The following ATXN7L1 variants were observed in gnomAD, a reference collection of about 807,000 sequenced individuals.
ATXN7L1 encodes ataxin-7-like protein 1.
A neutral mutation model predicts 70.8 loss-of-function variants in ATXN7L1; 15 were observed. The observed-to-expected ratio is 0.21, with a 90% confidence interval of 0.14 to 0.33. The LOEUF (loss-of-function observed/expected upper bound fraction) is 0.33. Among genes scored for constraint, ATXN7L1 ranks in the 10% least tolerant of loss-of-function variants. The pLI is 1.00. For synonymous variants in ATXN7L1, 440 were observed against 445.1 expected, an observed-to-expected ratio of 0.99 and a Z score of 0.14; for missense variants, 975 against 1,097.1, an observed-to-expected ratio of 0.89 and a Z score of 1.57.
At chr7:105,771,037 T>TA (rs1285965386) in intron 3 of ATXN7L1, among the ~76,000 whole-genome samples, 1 of 151,910 alleles carries the variant, frequency 6.6e-6, no homozygotes, top group Non-Finnish European at 1.5e-5. Flanking sequence ...CCGTCTCTAC[T>TA]AAAAATACAA....
At chr7:105,780,260 C>T (rs1280072432) in intron 3 of ATXN7L1, among the ~76,000 whole-genome samples, 1 of 152,198 alleles carries the variant, frequency 6.6e-6, no homozygotes, top group African/African-American at 2.4e-5. Context: ...CAGTATCCAA[C>T]CAGCATCAGC....
intron 2 of ATXN7L1, among the ~76,000 whole-genome samples, chr7:105,806,038 A>G (rs1255999278): frequency 6.6e-6 from 1 of 152,134 alleles, no homozygotes; most frequent in African/African-American, 2.4e-5. Context: ...AGGGACAGAG[A>G]GGACGCAGGA....
chr7:105,710,893 C>T (rs1483625247), intron 3 of ATXN7L1, among the ~76,000 whole-genome samples: 10 of 152,102 alleles, frequency 6.6e-5, no homozygotes, highest in Admixed American at 4.6e-4. Context: ...AATGGTCTTA[C>T]AGTTCCACAT....
chr7:105,731,893 G>A (rs1056848162), intron 3 of ATXN7L1, among the ~76,000 whole-genome samples: 2 of 151,658 alleles, frequency 1.3e-5, no homozygotes, highest in Non-Finnish European at 2.9e-5. Context: ...AGGAGTTTGA[G>A]ACCAGCCTGG....
intron 3 of ATXN7L1, among the ~76,000 whole-genome samples, chr7:105,684,525 C>T (rs1805925542): frequency 6.6e-6 from 1 of 152,164 alleles, no homozygotes. Context: ...GTGATAGCTG[C>T]CTCATCCCTA....
chr7:105,768,238 A>C (rs1801535251), intron 3 of ATXN7L1, among the ~76,000 whole-genome samples: 2 of 152,200 alleles, frequency 1.3e-5, no homozygotes, highest in Admixed American at 1.3e-4. Context: ...GCATTTTCAA[A>C]TTTATCATTT....
At chr7:105,783,647 C>T (rs1045942903) in intron 3 of ATXN7L1, among the ~76,000 whole-genome samples, 1 of 152,194 alleles carries the variant, frequency 6.6e-6, no homozygotes, top group Non-Finnish European at 1.5e-5. Context: ...CCCAACTCCA[C>T]ACAGGGACAG....
Position 105,729,083 on chromosome 7 carries a change from G to A in ATXN7L1, c.355+59521C>T, listed in dbSNP as rs147037650. Among the ~76,000 whole-genome samples, 23 of 152,102 alleles carry A rather than the reference G, an allele frequency of 1.5e-4. No individual in the cohort carries two copies. The East Asian group carries it at 4.5e-3, about 29-fold the overall frequency. Reference sequence around the variant, plus strand: ...GTTTGAGACTAGCCTGGGAAACACAGTGAGACCCATCTCTACAAATAATAA... The same window carrying A: ...GTTTGAGACTAGCCTGGGAAACACAATGAGACCCATCTCTACAAATAATAA... On this transcript the variant is annotated intron_variant, in intron 3 of 11. Coordinates refer to ENST00000419735, the MANE Select transcript of ATXN7L1 (RefSeq NM_020725.2).
At chr7:105,853,763 C>CA (rs918481248) in intron 2 of ATXN7L1, among the ~76,000 whole-genome samples, 1 of 151,920 alleles carries the variant, frequency 6.6e-6, no homozygotes, top group African/African-American at 2.4e-5. Context: ...GACTCTGTCT[C>CA]AAAAAACAAA....
At chr7:105,725,905 T>C (rs954916700) in intron 3 of ATXN7L1, among the ~76,000 whole-genome samples, 11 of 60,552 alleles carry the variant, frequency 1.8e-4, no homozygotes, top group African/African-American at 1.2e-3. Flanking sequence ...CTTTCTTTCT[T>C]TTTTTTTTTT....
intron 2 of ATXN7L1, among the ~76,000 whole-genome samples, chr7:105,838,645 C>A (rs530247384): frequency 3.3e-5 from 5 of 152,268 alleles, no homozygotes; most frequent in African/African-American, 1.2e-4. Context: ...ATCCAACCCA[C>A]AGGGACAATA....
chr7:105,664,648 A>G (rs1180148319), intron 4 of ATXN7L1, among the ~76,000 whole-genome samples: 2 of 150,244 alleles, frequency 1.3e-5, no homozygotes, highest in Non-Finnish European at 3.0e-5. Context: ...TCGGCTCACC[A>G]CAACTCCGCC....
At position 105,662,074 on chromosome 7, in the gene ATXN7L1, C is replaced by T. The variant is rs1184941590; in HGVS notation, c.578+2992G>A. Among the ~76,000 whole-genome samples the T allele has an allele frequency of 5.4e-3, 446 of 83,156 alleles. 6 individuals are homozygous for T. The highest frequency in any genetic ancestry group is 0.027 in the South Asian group (43 of 1,614). 54.6% of individuals were successfully genotyped at this position (83,156 alleles called of 152,430 possible). A position where few individuals can be genotyped will look rare whatever the true frequency, so the allele number is the denominator to read the frequency against. ...TCCTTCCTTCCTTCCTTCCTTCCTT[C>T]CTTCCTTCTTTCTTTTCTTTTCTTT... On this transcript the variant is annotated intron_variant, in intron 4 of 11. Transcript: ENST00000419735.
intron 3 of ATXN7L1, among the ~76,000 whole-genome samples, chr7:105,672,622 C>T (rs1803941548): frequency 6.6e-6 from 1 of 152,148 alleles, no homozygotes; most frequent in Non-Finnish European, 1.5e-5. Context: ...AGCTAGAAAA[C>T]ATCAGATCTG....
intron 2 of ATXN7L1, among the ~76,000 whole-genome samples, chr7:105,791,149 G>T (rs1165189213): frequency 1.3e-5 from 2 of 152,258 alleles, no homozygotes; most frequent in African/African-American, 4.8e-5. Context: ...ATGATTGAAA[G>T]AGTGGACCAG....
rs1041772608 is a variant in ATXN7L1 at position 105,679,081 on chromosome 7, G to A, written c.356-13793C>T. On this transcript the variant is annotated intron_variant, in intron 3 of 11. Coordinates refer to ENST00000419735, the MANE Select transcript of ATXN7L1 (RefSeq NM_020725.2). Reference sequence around the variant, plus strand: ...CCCGGGGAGGCTGCCTTGCCGTTTGGATAAGGAGGCTGACACACGCTGGGC... The same window carrying A: ...CCCGGGGAGGCTGCCTTGCCGTTTGAATAAGGAGGCTGACACACGCTGGGC... 9 of 986,042 alleles carry A rather than the reference G, an allele frequency of 9.1e-6. No individual in the cohort carries two copies. The African/African-American group carries it at 1.2e-4, about 13-fold the overall frequency. The allele number at this position is 986,042 out of a possible 1,614,324, so 61.1% of individuals were successfully genotyped here.
At chr7:105,863,028 G>A (rs1394181901) in intron 2 of ATXN7L1, among the ~76,000 whole-genome samples, 2 of 152,186 alleles carry the variant, frequency 1.3e-5, no homozygotes, top group African/African-American at 4.8e-5. Flanking sequence ...TAATGTGGCA[G>A]TATTGAAGAG....
intron 3 of ATXN7L1, among the ~76,000 whole-genome samples, chr7:105,726,351 G>A (rs997037704): frequency 1.3e-5 from 2 of 152,144 alleles, no homozygotes; most frequent in East Asian, 1.9e-4. Flanking sequence ...AGAATCCACT[G>A]TTCACCTTAT....
In ATXN7L1 at chr7:105,650,402, A is replaced by G. The variant is rs563890520; in HGVS notation, c.579-7281T>C. ...AGCATGGTAAATAAGAATATCTGCCAGATAAATCTAACATTATTCTGTGGC... is the reference window on the plus strand; with the variant it reads ...AGCATGGTAAATAAGAATATCTGCCGGATAAATCTAACATTATTCTGTGGC... On this transcript the variant is annotated intron_variant, in intron 4 of 11. Coordinates refer to ENST00000419735, the MANE Select transcript of ATXN7L1 (RefSeq NM_020725.2). 5.9e-5 allele frequency among the ~76,000 whole-genome samples: 9 copies of G among 151,760 alleles called. No homozygotes were observed. In the South Asian group the frequency reaches 1.7e-3, roughly 28 times the overall value.
Sources: allele counts gnomAD v4.1 joint callset (sites outside exome capture counted in the v4.1 genomes callset), GRCh38; gene constraint gnomAD v4.1.1; transcripts MANE v1.5; gene names NCBI Gene and HGNC (gene_info 2026-07-23, HGNC 2026-07-21).